Variants in GRAMD1B observed in about 807,000 individuals in gnomAD.
GRAMD1B encodes GRAM domain containing 1B.
In GRAMD1B, 37 loss-of-function variants were observed where a neutral mutation model predicts 99.7. That is an observed-to-expected ratio of 0.37 (90% CI 0.29 to 0.49). The LOEUF (loss-of-function observed/expected upper bound fraction) is 0.49, where lower values mean the gene tolerates loss of function less well. Among genes scored for constraint, GRAMD1B ranks in the 20% least tolerant of loss-of-function variants. The probability of loss-of-function intolerance (pLI) is 0.98; values close to 1 mark genes in which losing one functional copy is unlikely to be tolerated. For synonymous variants in GRAMD1B, 427 were observed against 387.6 expected, an observed-to-expected ratio of 1.10 and a Z score of -1.19; for missense variants, 888 against 1,009.2, an observed-to-expected ratio of 0.88 and a Z score of 1.63.
chr11:123,455,497 T>C (rs1389588049), intron 1 of GRAMD1B, among the ~76,000 whole-genome samples: 1 of 152,134 alleles, frequency 6.6e-6, no homozygotes, highest in Non-Finnish European at 1.5e-5. Context: ...TCTGATGATA[T>C]GCATTCCACT....
At chr11:123,577,915 G>A (rs1592097855) in intron 3 of GRAMD1B, among the ~76,000 whole-genome samples, 1 of 152,154 alleles carries the variant, frequency 6.6e-6, no homozygotes, top group East Asian at 1.9e-4. Flanking sequence ...GGGGTAGAAG[G>A]CAACATTATT....
At position 123,480,825 on chromosome 11, in the gene GRAMD1B, G is replaced by C; in HGVS notation, c.384G>C (p.Gln128His). 1 of 399,004 alleles carries C rather than the reference G, an allele frequency of 2.5e-6. No homozygotes were observed. The highest frequency in any genetic ancestry group is 1.3e-4 in the South Asian group (1 of 7,858). 24.7% of individuals were successfully genotyped at this position (399,004 alleles called of 1,614,324 possible). A position where few individuals can be genotyped will look rare whatever the true frequency, so the allele number is the denominator to read the frequency against. ...CTATGTCTTTCCTCAGCAGCCAACA[G>C]AGCAGTCAGCAGAGCAGCCACGATG... is the stretch of plus-strand genomic sequence containing the variant. ...RKECSESSSQ[Q>H]SSQQSSHDDD... Residue 128 changes from glutamine (Q) to histidine (H), a missense_variant, in exon 2 of 20, where the codon CAG (glutamine) becomes CAC (histidine). Around this residue, in one of 5 missense-constraint regions of GRAMD1B, gnomAD observed 233 missense variants for 154.6 expected, o/e 1.51. Coordinates refer to ENST00000635736, the MANE Select transcript of GRAMD1B (RefSeq NM_001387025.1).
chr11:123,603,314 G>A, intron 8 of GRAMD1B, 112 bp from the exon 9 acceptor site: 1 of 691,978 alleles, frequency 1.4e-6, no homozygotes, highest in Non-Finnish European at 2.6e-6. Context: ...ATTCAGCTAA[G>A]GAGAGAGGAG....
chr11:123,376,651 A>C (rs1591378584), intron 1 of GRAMD1B, among the ~76,000 whole-genome samples: 5 of 152,318 alleles, frequency 3.3e-5, no homozygotes, highest in African/African-American at 1.2e-4. Context: ...GCTTAAGCGC[A>C]AAGACAATCT....
chr11:123,560,068 C>A (rs866092121), intron 2 of GRAMD1B, among the ~76,000 whole-genome samples: 66 of 91,348 alleles, frequency 7.2e-4, no homozygotes, highest in South Asian at 1.6e-3. Context: ...GGAAATAACC[C>A]CCCCCCCCGC....
Position 123,431,124 on chromosome 11 carries a change from A to G in GRAMD1B, c.332A>G (p.Lys111Arg), listed in dbSNP as rs903881739. ...SPRRKRFLLR[K>R]WLRVRERKEC... ...CGCCGAAAACGCTTCCTCCTCCGCA[A>G]GTGGCTGAGGGTGAGGGAGCGGAAG... Residue 111 changes from lysine to arginine, a missense_variant, in exon 1 of 20, where the codon AAG becomes AGG. Coordinates refer to ENST00000635736, the MANE Select transcript of GRAMD1B (RefSeq NM_001387025.1). 4 of 702,888 alleles carry G rather than the reference A, an allele frequency of 5.7e-6. No homozygotes were observed. Among genetic ancestry groups the G allele is most frequent in the Non-Finnish European group, 2.6e-6 (1 of 385,004 alleles). The allele number at this position is 702,888 out of a possible 1,614,324, so 43.5% of individuals were successfully genotyped here.
rs1202671449 is a variant in GRAMD1B, at chr11:123,477,101, G to A, written c.375-3715G>A. 2.6e-5 allele frequency among the ~76,000 whole-genome samples: 4 copies of A among 152,152 alleles called. No homozygotes were observed. In the East Asian group the frequency reaches 7.7e-4, roughly 29 times the overall value. On this transcript the variant is annotated intron_variant, in intron 1 of 19. Coordinates refer to ENST00000635736, the MANE Select transcript of GRAMD1B (RefSeq NM_001387025.1). ...AATGGCACCTGGCATTTACATAGCA[G>A]TTAAAATGTGGCAGATGCTCTTTTT...
chr11:123,381,019 A>T (rs1405151440), intron 1 of GRAMD1B, among the ~76,000 whole-genome samples: 1 of 152,036 alleles, frequency 6.6e-6, no homozygotes, highest in East Asian at 1.9e-4. Flanking sequence ...GATAGAACTC[A>T]TAAGGTTTCC....
chr11:123,589,115 GTGTGGAGTCT>G (rs1021664209), intron 4 of GRAMD1B, among the ~76,000 whole-genome samples: 1 of 151,582 alleles, frequency 6.6e-6, no homozygotes. Flanking sequence ...GTGAGGTCAG[GTGTGGAGTCT>G]TCTGCTTGCG....
intron 12 of GRAMD1B, among the ~76,000 whole-genome samples, chr11:123,609,396 C>T (rs775882765): frequency 5.3e-5 from 8 of 152,134 alleles, no homozygotes; most frequent in Non-Finnish European, 7.3e-5. Context: ...TGGGCATCAG[C>T]GATCCTGTGT....
intron 1 of GRAMD1B, chr11:123,459,155 G>A (rs1450692865): frequency 6.6e-6 from 1 of 152,120 alleles, no homozygotes; most frequent in Non-Finnish European, 1.5e-5. Context: ...CCAGCCCTTG[G>A]AGTTAGGGCA....
At chr11:123,381,643 G>A (rs1325368570) in intron 1 of GRAMD1B, 1 of 152,424 alleles carries the variant, frequency 6.6e-6, no homozygotes, top group East Asian at 1.9e-4. Context: ...GTTCCTGGAG[G>A]ACTGCAGAGT....
intron 19 of GRAMD1B, among the ~76,000 whole-genome samples, chr11:123,621,898 T>TCTC: frequency 2.2e-5 from 1 of 45,600 alleles, no homozygotes; most frequent in African/African-American, 6.9e-5. Context: ...CTTTCTTTCT[T>TCTC]TTTCTCTTTC....
At chr11:123,495,839 A>G (rs1488355976) in intron 2 of GRAMD1B, among the ~76,000 whole-genome samples, 2 of 152,178 alleles carry the variant, frequency 1.3e-5, no homozygotes, top group Non-Finnish European at 2.9e-5. Flanking sequence ...CTAACAAACA[A>G]AAACAAATAA....
chr11:123,372,420 A>T (rs1308122631), intron 1 of GRAMD1B, among the ~76,000 whole-genome samples: 2 of 152,212 alleles, frequency 1.3e-5, no homozygotes, highest in African/African-American at 4.8e-5. Context: ...AGGTTCAGAA[A>T]ACTGTCTGGG....
intron 1 of GRAMD1B, among the ~76,000 whole-genome samples, chr11:123,460,698 T>TG (rs1950369955): frequency 6.6e-6 from 1 of 152,024 alleles, no homozygotes; most frequent in African/African-American, 2.4e-5. Context: ...CAGCAGGATT[T>TG]GGGGGGCGGA....
At chr11:123,604,371 G>A (rs1952414818) in intron 9 of GRAMD1B, among the ~76,000 whole-genome samples, 1 of 152,044 alleles carries the variant, frequency 6.6e-6, no homozygotes, top group African/African-American at 2.4e-5. Flanking sequence ...GAGGGAGGAA[G>A]GCCCTAGGAA....
intron 5 of GRAMD1B, among the ~76,000 whole-genome samples, 191 bp from the exon 6 acceptor site, chr11:123,594,544 C>T (rs1951038025): frequency 6.6e-6 from 1 of 152,204 alleles, no homozygotes; most frequent in South Asian, 2.1e-4. Context: ...GCACATCACA[C>T]CACCTTTATG....
rs1213009529 is a variant in GRAMD1B, at chr11:123,587,681, C to A, written c.684+3349C>A. On this transcript the variant is annotated intron_variant, in intron 4 of 19. Coordinates refer to ENST00000635736, the MANE Select transcript of GRAMD1B (RefSeq NM_001387025.1). The surrounding 1 kb of genome is among the most constrained non-coding windows in gnomAD (Gnocchi z 4.2). ...AGCACAGGAGCCCAGACCCTGGCAG[C>A]CGCCTGAGACTTAGCACCCTGCTTG... is the stretch of plus-strand genomic sequence containing the variant. 6.6e-6 allele frequency among the ~76,000 whole-genome samples: 1 copy of A among 152,196 alleles called. No homozygotes were observed. The highest frequency in any genetic ancestry group is 1.5e-5 in the Non-Finnish European group (1 of 68,040).
Sources: allele counts gnomAD v4.1 joint callset (sites outside exome capture counted in the v4.1 genomes callset), GRCh38; gene constraint gnomAD v4.1.1; regional missense constraint gnomAD v4.1.1; non-coding constraint Gnocchi (gnomAD v3.1); transcripts MANE v1.5; gene names NCBI Gene and HGNC (gene_info 2026-07-23, HGNC 2026-07-21).